Variants in RALYL observed in about 807,000 individuals in gnomAD.
RALYL encodes the protein RALY RNA binding protein like.
Under a neutral mutation model 35.1 loss-of-function variants are expected in RALYL, and 29 were observed. The observed-to-expected ratio is 0.83, with a 90% confidence interval of 0.61 to 1.13. The LOEUF (loss-of-function observed/expected upper bound fraction) is 1.13. Among genes scored for constraint, RALYL ranks in the 50% most tolerant of loss-of-function variants. The pLI is 0.00. For synonymous variants in RALYL, 120 were observed against 127.6 expected (o/e 0.94, Z 0.40); for missense variants, 359 against 360.4 (o/e 1.00, Z 0.03).
intron 4 of RALYL, among the ~76,000 whole-genome samples, chr8:84,849,566 T>TG (rs199887198): frequency 0.024 from 3,658 of 151,868 alleles, 156 homozygotes; most frequent in African/African-American, 0.083. Flanking sequence ...TTTTTGTTTT[T>TG]TTTTTTTTGA....
At chr8:84,244,011 T>C (rs76951667) in intron 1 of RALYL, among the ~76,000 whole-genome samples, 1 of 152,200 alleles carries the variant, frequency 6.6e-6, no homozygotes, top group Non-Finnish European at 1.5e-5. Flanking sequence ...CTCCTCTTCA[T>C]TTTTTCTATG....
chr8:84,581,691 A>C (rs368470957), intron 2 of RALYL, among the ~76,000 whole-genome samples: 1 of 152,116 alleles, frequency 6.6e-6, no homozygotes, highest in Non-Finnish European at 1.5e-5. Context: ...CTCTTTTGTA[A>C]TGTAGGTAAT....
intron 1 of RALYL, among the ~76,000 whole-genome samples, chr8:84,493,455 T>C (rs905179692): frequency 1.3e-5 from 2 of 152,180 alleles, no homozygotes; most frequent in African/African-American, 4.8e-5. Flanking sequence ...CTGGGTCAAA[T>C]GGTATTTCTG....
chr8:84,245,899 A>C (rs1344189157), intron 1 of RALYL, among the ~76,000 whole-genome samples: 1 of 152,154 alleles, frequency 6.6e-6, no homozygotes, highest in African/African-American at 2.4e-5. Flanking sequence ...ACAGCCTGGG[A>C]GGAATCTTAA....
chr8:84,427,097 T>C lies in RALYL; in HGVS notation c.-23-102202T>C, dbSNP rs143458778. ...GGTACATATATATAATTTTACTAAT[T>C]TCAAAGGCTTATTTTCTAAGACAAA... On this transcript the variant is annotated intron_variant, in intron 1 of 8. Transcript: ENST00000521268. 6.7e-4 allele frequency among the ~76,000 whole-genome samples: 102 copies of C among 152,302 alleles called. 1 individual carries two copies. The East Asian group carries it at 0.018, about 27-fold the overall frequency.
At chr8:84,755,175 G>A (rs1224852388) in intron 2 of RALYL, among the ~76,000 whole-genome samples, 1 of 152,172 alleles carries the variant, frequency 6.6e-6, no homozygotes, top group Admixed American at 6.5e-5. Context: ...TGATGCTAGA[G>A]AGTGGATAGA....
At chr8:84,288,549 T>C (rs1838132925) in intron 1 of RALYL, among the ~76,000 whole-genome samples, 1 of 152,172 alleles carries the variant, frequency 6.6e-6, no homozygotes, top group Non-Finnish European at 1.5e-5. Flanking sequence ...TTTTTCTGCA[T>C]TTTTAGTTGC....
rs5892914 is a variant in RALYL, at chr8:84,371,539, T to TCACACACACACA, written c.-23-157737_-23-157726dup. On this transcript the variant is annotated intron_variant, in intron 1 of 8. Transcript: ENST00000521268. Reference sequence around the variant, plus strand: ...AAAATAGGGAATAAATTTATGATTATCACACACACACACACACACACACAC... The same window carrying TCACACACACACA: ...AAAATAGGGAATAAATTTATGATTATCACACACACACACACACACACACACACACACACACAC... Among the ~76,000 whole-genome samples the TCACACACACACA allele has an allele frequency of 9.1e-3, 1,312 of 144,130 alleles. 7 individuals are homozygous for TCACACACACACA. Among genetic ancestry groups the TCACACACACACA allele is most frequent in the Middle Eastern group, 0.028 (8 of 282 alleles). 94.6% of individuals were successfully genotyped at this position (144,130 alleles called of 152,430 possible).
intron 3 of RALYL, among the ~76,000 whole-genome samples, chr8:84,785,625 A>G (rs1819257366): frequency 1.3e-5 from 2 of 152,154 alleles, no homozygotes; most frequent in African/African-American, 4.8e-5. Context: ...AATTTTAAAT[A>G]TTTTTAAAAA....
At chr8:84,804,619 T>G in intron 3 of RALYL, 151 bp from the exon 4 acceptor site, 1 of 274,830 alleles carries the variant, frequency 3.6e-6, no homozygotes, top group Non-Finnish European at 6.9e-6. Context: ...CCAGATTAGG[T>G]CTTAGTATAT....
At chr8:84,609,900 C>G (rs1817920797) in intron 2 of RALYL, among the ~76,000 whole-genome samples, 1 of 152,090 alleles carries the variant, frequency 6.6e-6, no homozygotes. Context: ...AAAGGGATGC[C>G]TCACGTAGTG....
intron 1 of RALYL, among the ~76,000 whole-genome samples, chr8:84,193,949 G>T (rs1434433003): frequency 6.6e-6 from 1 of 152,112 alleles, no homozygotes; most frequent in African/African-American, 2.4e-5. Flanking sequence ...TCTACGAGAT[G>T]AACAGAATAA....
intron 1 of RALYL, among the ~76,000 whole-genome samples, chr8:84,470,510 A>C (rs952593784): frequency 2.6e-5 from 4 of 151,844 alleles, no homozygotes; most frequent in Non-Finnish European, 4.4e-5. Context: ...TTTTGAGCTG[A>C]ACAAGAAAGG....
chr8:84,605,975 C>T (rs917367144), intron 2 of RALYL, among the ~76,000 whole-genome samples: 5 of 152,112 alleles, frequency 3.3e-5, no homozygotes, highest in African/African-American at 4.8e-5. Context: ...TGCACACATT[C>T]CCTGTACAAA....
intron 2 of RALYL, among the ~76,000 whole-genome samples, chr8:84,683,203 G>C (rs1835979505): frequency 6.6e-6 from 1 of 152,194 alleles, no homozygotes; most frequent in South Asian, 2.1e-4. Context: ...TGTGGTCTGA[G>C]AGACAGTTTC....
At chr8:84,801,519 G>A (rs936010637) in intron 3 of RALYL, among the ~76,000 whole-genome samples, 1 of 152,078 alleles carries the variant, frequency 6.6e-6, no homozygotes, top group Non-Finnish European at 1.5e-5. Flanking sequence ...GTGATGATAA[G>A]TATTACCTCA....
chr8:84,435,937 G>C (rs1009000256), intron 1 of RALYL, among the ~76,000 whole-genome samples: 6 of 152,132 alleles, frequency 3.9e-5, no homozygotes, highest in Admixed American at 3.3e-4. Context: ...AAATATGGTT[G>C]TTGTGGATTA....
At chr8:84,619,124 G>A (rs1401597352) in intron 2 of RALYL, among the ~76,000 whole-genome samples, 2 of 151,464 alleles carry the variant, frequency 1.3e-5, no homozygotes. Flanking sequence ...TTGGTGCAGA[G>A]CTGAGTTCAA....
chr8:84,581,994 T>C (rs994583046), intron 2 of RALYL, among the ~76,000 whole-genome samples: 1 of 152,128 alleles, frequency 6.6e-6, no homozygotes, highest in Non-Finnish European at 1.5e-5. Context: ...CTAATTAAAA[T>C]CAAGTAAGTG....
Sources: gnomAD v4.1 joint callset for allele counts (sites outside exome capture counted in the v4.1 genomes callset) on GRCh38, gnomAD v4.1.1 for gene constraint, MANE v1.5 for transcripts, NCBI Gene and HGNC (gene_info 2026-07-23, HGNC 2026-07-21) for gene names.